The following ANXA8 variants were observed in gnomAD, a reference collection of about 807,000 sequenced individuals.
ANXA8 encodes VAC-beta.
Under a neutral mutation model 26.8 loss-of-function variants are expected in ANXA8, and 9 were observed. That is an observed-to-expected ratio of 0.34 (90% CI 0.20 to 0.59). The LOEUF is 0.59. Ranked by LOEUF, ANXA8 falls within the 20% of genes least tolerant of loss-of-function variation. ANXA8 has a pLI of 0.84. For synonymous variants in ANXA8, 39 were observed against 94.8 expected, an observed-to-expected ratio of 0.41 and a Z score of 3.42; for missense variants, 83 against 238.5, an observed-to-expected ratio of 0.35 and a Z score of 4.29.
the ANXA8 span, among the ~76,000 whole-genome samples, chr10:47,701,748 G>T: frequency 4.0e-5 from 6 of 151,742 alleles, 1 homozygote; most frequent in African/African-American, 1.5e-4. Flanking sequence ...GTAGGAGAGG[G>T]GTGGAAGAAA....
At chr10:47,667,586 C>T in the ANXA8 span, among the ~76,000 whole-genome samples, 3 of 151,882 alleles carry the variant, frequency 2.0e-5, no homozygotes, top group Non-Finnish European at 4.4e-5. Flanking sequence ...GAATCCCACT[C>T]TCGCCCAGGC....
the ANXA8 span, among the ~76,000 whole-genome samples, chr10:47,942,145 A>T: frequency 1.4e-5 from 2 of 147,240 alleles, no homozygotes; most frequent in African/African-American, 5.2e-5. Context: ...ATGGGATTGT[A>T]GTAACATTTT....
the ANXA8 span, among the ~76,000 whole-genome samples, chr10:47,506,357 G>GTC: frequency 2.9e-5 from 4 of 139,378 alleles, no homozygotes; most frequent in African/African-American, 1.1e-4. Flanking sequence ...TTGAGACAGA[G>GTC]TCTCTCTCTG....
At chr10:47,940,063 C>T in the ANXA8 span, among the ~76,000 whole-genome samples, 275 of 150,950 alleles carry the variant, frequency 1.8e-3, 1 homozygote, top group Admixed American at 4.6e-3. Flanking sequence ...GAATCTCATG[C>T]TTTCCAATTC....
At chr10:47,673,504 T>C in the ANXA8 span, among the ~76,000 whole-genome samples, 4 of 147,086 alleles carry the variant, frequency 2.7e-5, no homozygotes, top group Admixed American at 6.8e-5. Context: ...GTAAGGAAGC[T>C]GCCCTCCAGA....
chr10:47,596,968 T>C, the ANXA8 span, among the ~76,000 whole-genome samples: 3 of 148,368 alleles, frequency 2.0e-5, no homozygotes, highest in Admixed American at 2.0e-4. Flanking sequence ...AACAAAACCC[T>C]AGGCCAATAT....
At chr10:47,942,400 C>T in the ANXA8 span, among the ~76,000 whole-genome samples, 2 of 143,774 alleles carry the variant, frequency 1.4e-5, no homozygotes, top group African/African-American at 2.8e-5. Flanking sequence ...ACCTGCTCCC[C>T]CACCAGCTGG....
At chr10:47,555,547 C>G in the ANXA8 span, among the ~76,000 whole-genome samples, 2 of 152,006 alleles carry the variant, frequency 1.3e-5, no homozygotes, top group South Asian at 4.2e-4. Context: ...CTGACCAATA[C>G]GCTATCATTT....
chr10:47,588,814 T>TC, the ANXA8 span: 1 of 124,916 alleles, frequency 8.0e-6, no homozygotes, highest in East Asian at 2.0e-4. Flanking sequence ...TCTCTCTCTT[T>TC]TTTTTTTTTT....
the ANXA8 span, among the ~76,000 whole-genome samples, chr10:47,562,083 T>C: frequency 4.6e-5 from 7 of 151,902 alleles, no homozygotes; most frequent in Non-Finnish European, 8.8e-5. Flanking sequence ...AAGATATAGT[T>C]GTAAGCACAT....
chr10:47,619,603 G>A, the ANXA8 span, among the ~76,000 whole-genome samples: 1 of 120,028 alleles, frequency 8.3e-6, no homozygotes, highest in Non-Finnish European at 1.8e-5. Flanking sequence ...AAGATTGGGG[G>A]TGAATAAATG....
chr10:47,691,298 C>T, the ANXA8 span: 2 of 1,132,472 alleles, frequency 1.8e-6, no homozygotes, highest in Middle Eastern at 3.1e-4. Flanking sequence ...TGTTTTCTCC[C>T]ACTTAGTCTT....
chr10:47,514,559 C>G, the ANXA8 span, among the ~76,000 whole-genome samples: 1 of 91,098 alleles, frequency 1.1e-5, no homozygotes. Flanking sequence ...CAAATCATCA[C>G]TAAAGAACTT....
At chr10:47,967,355 G>A in the ANXA8 span, among the ~76,000 whole-genome samples, 2 of 150,356 alleles carry the variant, frequency 1.3e-5, no homozygotes, top group African/African-American at 5.0e-5. Flanking sequence ...ATAAGAAATG[G>A]CCTCATTATG....
the ANXA8 span, among the ~76,000 whole-genome samples, chr10:47,901,072 A>C: frequency 1.4e-5 from 2 of 143,952 alleles, no homozygotes; most frequent in Non-Finnish European, 3.0e-5. Flanking sequence ...CGGGAAAAAA[A>C]AAAGATGTAA....
chr10:47,989,337 G>A, the ANXA8 span, among the ~76,000 whole-genome samples: 4 of 113,762 alleles, frequency 3.5e-5, no homozygotes, highest in African/African-American at 6.1e-5. Context: ...GCACTCGGGG[G>A]CTGTGGTGCA....
At chr10:47,600,273 C>T in the ANXA8 span, among the ~76,000 whole-genome samples, 1 of 150,320 alleles carries the variant, frequency 6.7e-6, no homozygotes, top group Non-Finnish European at 1.5e-5. Flanking sequence ...TATTGCGGTT[C>T]AGAGAAAACA....
chr10:47,689,487 T>C, the ANXA8 span, among the ~76,000 whole-genome samples: 5 of 151,968 alleles, frequency 3.3e-5, no homozygotes, highest in Non-Finnish European at 5.9e-5. Context: ...AAAGAGAGTC[T>C]TTAGGTGAAA....
chr10:47,502,512 T>C, the ANXA8 span: 1 of 1,613,110 alleles, frequency 6.2e-7, no homozygotes, highest in Admixed American at 1.7e-5. Context: ...TGCTGTTGGC[T>C]AGCTCATTGC....
Sources: allele counts gnomAD v4.1 joint callset (sites outside exome capture counted in the v4.1 genomes callset), GRCh38; gene constraint gnomAD v4.1.1; transcripts MANE v1.5; gene names NCBI Gene and HGNC (gene_info 2026-07-23, HGNC 2026-07-21).